Variants in UPP2 observed in about 807,000 individuals in gnomAD.
UPP2 encodes the protein UPase 2.
In UPP2, 23 loss-of-function variants were observed where a neutral mutation model predicts 26.7. The observed-to-expected ratio is 0.86, with a 90% CI of 0.62 to 1.22. The LOEUF (loss-of-function observed/expected upper bound fraction) is 1.22. Ranked by LOEUF, UPP2 falls within the 50% of genes most tolerant of loss-of-function variation. The pLI, the probability that UPP2 is intolerant of heterozygous loss-of-function variation, is 0.00. For synonymous variants in UPP2, 127 were observed against 141.3 expected, an observed-to-expected ratio of 0.90 and a Z score of 0.72; for missense variants, 387 against 396.7, an observed-to-expected ratio of 0.98 and a Z score of 0.21.
intron 3 of UPP2, among the ~76,000 whole-genome samples, chr2:158,033,708 G>A (rs1402834338): frequency 6.6e-6 from 1 of 152,228 alleles, no homozygotes; most frequent in Non-Finnish European, 1.5e-5. Context: ...GGTTCCACAA[G>A]CCCACTTTTC....
intron 3 of UPP2, among the ~76,000 whole-genome samples, chr2:158,085,271 G>C (rs962096658): frequency 6.6e-6 from 1 of 151,932 alleles, no homozygotes; most frequent in African/African-American, 2.4e-5. Flanking sequence ...TATTGTAACA[G>C]GGATTGAGTT....
chr2:158,117,969 T>C (rs1272775432), intron 4 of UPP2, 31 bp downstream of exon 4: 2 of 1,550,906 alleles, frequency 1.3e-6, no homozygotes, highest in African/African-American at 1.4e-5. Context: ...CTATTAGAAC[T>C]GAGTGATCCT....
chr2:158,110,847 C>CTTT (rs1269341943), intron 2 of UPP2, among the ~76,000 whole-genome samples: 1 of 151,944 alleles, frequency 6.6e-6, no homozygotes, highest in East Asian at 1.9e-4. Flanking sequence ...CCTTCGCCCA[C>CTTT]TTGATGGGGT....
intron 3 of UPP2, among the ~76,000 whole-genome samples, chr2:158,061,144 G>A (rs1682345844): frequency 2.0e-5 from 3 of 152,242 alleles, no homozygotes; most frequent in Non-Finnish European, 4.4e-5. Flanking sequence ...CACAACCCCA[G>A]TCAGATTTCT....
At chr2:158,052,207 T>A (rs1260050337) in intron 3 of UPP2, among the ~76,000 whole-genome samples, 2 of 152,142 alleles carry the variant, frequency 1.3e-5, no homozygotes, top group Non-Finnish European at 2.9e-5. Flanking sequence ...AAGGGAATAA[T>A]GGGAACATGT....
At chr2:158,123,443 A>AC (rs1028103914) in intron 5 of UPP2, among the ~76,000 whole-genome samples, 1 of 151,332 alleles carries the variant, frequency 6.6e-6, no homozygotes, top group African/African-American at 2.4e-5. Flanking sequence ...TCTCACAGCA[A>AC]CCCCCCGCTT....
intron 3 of UPP2, among the ~76,000 whole-genome samples, chr2:158,068,184 A>C (rs761786084): frequency 2.0e-5 from 3 of 152,234 alleles, no homozygotes; most frequent in Non-Finnish European, 4.4e-5. Flanking sequence ...TCTGTTGGAA[A>C]GTAATGGCTC....
chr2:158,101,975 A>T lies in UPP2; in HGVS notation c.-89A>T. 6.3e-7 allele frequency: 1 copy of T among 1,581,982 alleles called. No homozygotes were observed. The highest frequency in any genetic ancestry group is 8.6e-7 in the Non-Finnish European group (1 of 1,167,204). On this transcript the variant is annotated 5_prime_UTR_variant, in exon 1 of 7. Transcript: ENST00000005756. ...TATCATTCTGACTGGGAACTGAACTATTATGACTAGGTCTATAATTTAATA... is the reference window on the plus strand; with the variant it reads ...TATCATTCTGACTGGGAACTGAACTTTTATGACTAGGTCTATAATTTAATA...
At chr2:158,083,431 C>G (rs1313609570) in intron 3 of UPP2, among the ~76,000 whole-genome samples, 5 of 152,070 alleles carry the variant, frequency 3.3e-5, no homozygotes, top group Non-Finnish European at 5.9e-5. Flanking sequence ...TGGAAACCAT[C>G]ATTCTCAGCA....
At chr2:157,998,099 T>A (rs1683350038) in intron 2 of UPP2, among the ~76,000 whole-genome samples, 1 of 152,158 alleles carries the variant, frequency 6.6e-6, no homozygotes, top group African/African-American at 2.4e-5. Context: ...CTGGATTTAA[T>A]GTATTAGCTC....
At chr2:158,123,224 A>G (rs1260810684) in intron 5 of UPP2, among the ~76,000 whole-genome samples, 1 of 152,212 alleles carries the variant, frequency 6.6e-6, no homozygotes, top group Non-Finnish European at 1.5e-5. Flanking sequence ...AAATGTGATC[A>G]CAAGGGGTGG....
chr2:158,074,221 C>A (rs1360983179), intron 3 of UPP2, among the ~76,000 whole-genome samples: 1 of 152,058 alleles, frequency 6.6e-6, no homozygotes, highest in African/African-American at 2.4e-5. Flanking sequence ...GAAAATACAT[C>A]ATCTGAAGAT....
At chr2:158,067,798 A>G (rs192027416) in intron 3 of UPP2, among the ~76,000 whole-genome samples, 38 of 152,306 alleles carry the variant, frequency 2.5e-4, no homozygotes, top group African/African-American at 9.1e-4. Context: ...TCTGTTTGGA[A>G]TGAACTAAAA....
intron 4 of UPP2, among the ~76,000 whole-genome samples, chr2:158,118,912 C>T (rs551929132): frequency 9.9e-5 from 15 of 152,106 alleles, no homozygotes; most frequent in Admixed American, 4.6e-4. Flanking sequence ...TTTCCACAGC[C>T]GTGGTCCAGG....
At chr2:158,003,597 A>C (rs1483771956) in intron 2 of UPP2, among the ~76,000 whole-genome samples, 2 of 151,752 alleles carry the variant, frequency 1.3e-5, no homozygotes, top group African/African-American at 2.4e-5. Context: ...AATCCCAGCT[A>C]TGTGGGAGGC....
chr2:158,029,941 A>C (rs1401974659), intron 3 of UPP2, among the ~76,000 whole-genome samples: 1 of 152,172 alleles, frequency 6.6e-6, no homozygotes, highest in Non-Finnish European at 1.5e-5. Flanking sequence ...CAGATTTCGT[A>C]ATTATTCCTT....
intron 2 of UPP2, among the ~76,000 whole-genome samples, chr2:157,996,031 C>T (rs1683320073): frequency 6.6e-6 from 1 of 152,154 alleles, no homozygotes; most frequent in South Asian, 2.1e-4. Context: ...TGTGGGAATG[C>T]CTGTTTGCAT....
chr2:158,112,219 A>G (rs1309184978), intron 2 of UPP2, among the ~76,000 whole-genome samples: 1 of 152,206 alleles, frequency 6.6e-6, no homozygotes, highest in Non-Finnish European at 1.5e-5. Flanking sequence ...TTACAAAGTT[A>G]TAATGATAAA....
At chr2:158,087,492 A>G (rs1413166896) in intron 3 of UPP2, among the ~76,000 whole-genome samples, 1 of 152,148 alleles carries the variant, frequency 6.6e-6, no homozygotes, top group Non-Finnish European at 1.5e-5. Flanking sequence ...ATTCAATTTT[A>G]GTATTGAGAT....
Sources: allele counts gnomAD v4.1 joint callset (sites outside exome capture counted in the v4.1 genomes callset), GRCh38; gene constraint gnomAD v4.1.1; transcripts MANE v1.5; gene names NCBI Gene and HGNC (gene_info 2026-07-23, HGNC 2026-07-21).